ARFGAP3: variants seen among roughly 807,000 people sequenced by gnomAD.
ARFGAP3 encodes ARF GTPase activating protein 3.
Under a neutral mutation model 75.0 loss-of-function variants are expected in ARFGAP3, and 72 were observed. The ratio of observed to expected loss-of-function variants is 0.96; its 90% CI spans 0.79 to 1.17. ARFGAP3 has a LOEUF of 1.17. Ranked by LOEUF, ARFGAP3 falls within the 50% of genes most tolerant of loss-of-function variation. ARFGAP3 has a pLI of 0.00. For synonymous variants in ARFGAP3, 221 were observed against 217.9 expected (o/e 1.01, Z -0.13); for missense variants, 620 against 626.6 (o/e 0.99, Z 0.11).
chr22:42,804,385 T>A (rs1336420807), intron 14 of ARFGAP3, among the ~76,000 whole-genome samples: 2 of 140,306 alleles, frequency 1.4e-5, no homozygotes, highest in South Asian at 4.8e-4. Context: ...AATTTTTTTT[T>A]TTTTTTTTTT....
chr22:42,807,756 C>T (rs950412626), intron 13 of ARFGAP3, among the ~76,000 whole-genome samples: 1 of 151,966 alleles, frequency 6.6e-6, no homozygotes, highest in African/African-American at 2.4e-5. Flanking sequence ...TTGAGTCTTA[C>T]AGCTTAGCAA....
rs551782829 is a variant in ARFGAP3, at chr22:42,833,343, T to C, written c.477+899A>G. 8.5e-5 allele frequency among the ~76,000 whole-genome samples: 13 copies of C among 152,338 alleles called. No individual in the cohort carries two copies. The East Asian group carries it at 2.5e-3, about 29-fold the overall frequency. ...AGCTCTGAACTGAACTGTGGCACAC[T>C]ACTAGTAATAAATTCTCAGTTCTCC... On this transcript the variant is annotated intron_variant, in intron 5 of 15. Coordinates refer to ENST00000263245, the MANE Select transcript of ARFGAP3 (RefSeq NM_014570.5).
At chr22:42,846,467 G>C (rs1171136683) in intron 2 of ARFGAP3, among the ~76,000 whole-genome samples, 1 of 152,220 alleles carries the variant, frequency 6.6e-6, no homozygotes, top group African/African-American at 2.4e-5. Flanking sequence ...TCCAAAGGTG[G>C]TGTCTTCTTC....
At chr22:42,853,063 CTATT>C (rs1249731806) in intron 1 of ARFGAP3, among the ~76,000 whole-genome samples, 1 of 152,212 alleles carries the variant, frequency 6.6e-6, no homozygotes, top group Non-Finnish European at 1.5e-5. Context: ...CGCGCCCGGC[CTATT>C]TATTTGTTTT....
chr22:42,808,587 G>A (rs573222162), intron 13 of ARFGAP3, among the ~76,000 whole-genome samples, 180 bp downstream of exon 13: 5 of 152,226 alleles, frequency 3.3e-5, no homozygotes, highest in Admixed American at 6.5e-5. Context: ...TCTTGCTGAG[G>A]TAGCAAGCAC....
intron 9 of ARFGAP3, among the ~76,000 whole-genome samples, chr22:42,821,158 C>T (rs1925795942): frequency 6.6e-6 from 1 of 152,216 alleles, no homozygotes; most frequent in Non-Finnish European, 1.5e-5. Context: ...GAGCCATAGT[C>T]TTCCATCATG....
At chr22:42,831,303 AG>A (rs1202609514) in intron 6 of ARFGAP3, among the ~76,000 whole-genome samples, 2 of 150,576 alleles carry the variant, frequency 1.3e-5, no homozygotes, top group South Asian at 2.1e-4. Context: ...AAAAAAAAAA[AG>A]ACAGAAGGGT....
intron 3 of ARFGAP3, among the ~76,000 whole-genome samples, chr22:42,837,675 C>A (rs201106026): frequency 1.3e-5 from 1 of 75,662 alleles, no homozygotes; most frequent in Non-Finnish European, 2.1e-5. Flanking sequence ...AGGCATACTT[C>A]TTTTTTTTTT....
Position 42,856,996 on chromosome 22 carries a change from G to T in ARFGAP3, c.69+118C>A, listed in dbSNP as rs545894448. On this transcript the variant is annotated intron_variant, in intron 1 of 15. Transcript: ENST00000263245. ...CCAGGCTGCCGCGGCCCCACAGTGC[G>T]ACGTGTCACAGGCCGCGCCGGCCCC... The T allele has an allele frequency of 1.1e-4, 118 of 1,077,982 alleles. No individual in the cohort carries two copies. The African/African-American group carries it at 1.6e-3, about 15-fold the overall frequency. The allele number at this position is 1,077,982 out of a possible 1,614,324, so 66.8% of individuals were successfully genotyped here. A position where few individuals can be genotyped will look rare whatever the true frequency, so the allele number is the denominator to read the frequency against.
intron 9 of ARFGAP3, 104 bp downstream of exon 9, chr22:42,822,166 T>G: frequency 1.2e-4 from 88 of 761,174 alleles, no homozygotes; most frequent in East Asian, 1.4e-4. Context: ...TGCAGTACCC[T>G]CCCTTCCCCC....
rs11551619 is a variant in ARFGAP3, at chr22:42,799,103, T to C, written c.1469A>G (p.Gln490Arg). 0.015 allele frequency: 24,376 copies of C among 1,614,192 alleles called. 217 individuals are homozygous for C. The highest frequency in any genetic ancestry group is 0.018 in the Non-Finnish European group (20,668 of 1,180,036). ...PNAPDMAQFK[Q>R]GVRSVAGKLS... The stretch of plus-strand genomic sequence containing the variant: ...TTTTCCAGCAACCGATCTCACTCCC[T>C]GCTTGAACTGCGCCATGTCGGGGGC... The change falls in exon 15 of 16, where the codon CAG becomes CGG. Residue 490 changes from glutamine (Q) to arginine (R), a missense_variant. Gln to Arg is a conservative substitution (Grantham distance 43). Coordinates refer to ENST00000263245, the MANE Select transcript of ARFGAP3 (RefSeq NM_014570.5).
intron 6 of ARFGAP3, 100 bp downstream of exon 6, chr22:42,831,449 G>T: frequency 8.0e-7 from 1 of 1,244,012 alleles, no homozygotes; most frequent in Non-Finnish European, 1.1e-6. Flanking sequence ...TGGGATTACA[G>T]GCATGAGCCA....
At chr22:42,802,239 G>C (rs1383276504) in intron 14 of ARFGAP3, among the ~76,000 whole-genome samples, 1 of 151,980 alleles carries the variant, frequency 6.6e-6, no homozygotes. Flanking sequence ...ATGGTGTGAC[G>C]TGGGAGGTGG....
chr22:42,800,465 A>T (rs1298840581), intron 14 of ARFGAP3, among the ~76,000 whole-genome samples: 6 of 152,184 alleles, frequency 3.9e-5, no homozygotes, highest in Non-Finnish European at 1.5e-5. Context: ...TGGGAGGTGG[A>T]GGTTGCAGTG....
intron 1 of ARFGAP3, among the ~76,000 whole-genome samples, chr22:42,850,138 G>C (rs539508406): frequency 6.6e-6 from 1 of 152,112 alleles, no homozygotes; most frequent in Non-Finnish European, 1.5e-5. Context: ...GCAGAGTCAC[G>C]CGTCGGAAGT....
chr22:42,804,755 AT>A (rs1157846912), intron 14 of ARFGAP3, among the ~76,000 whole-genome samples: 3 of 152,172 alleles, frequency 2.0e-5, no homozygotes, highest in Non-Finnish European at 4.4e-5. Flanking sequence ...ACCTCAGGTG[AT>A]CCGCCTACCT....
At chr22:42,852,913 C>T (rs1411670088) in intron 1 of ARFGAP3, among the ~76,000 whole-genome samples, 4 of 151,944 alleles carry the variant, frequency 2.6e-5, no homozygotes, top group African/African-American at 4.8e-5. Flanking sequence ...TACAGGCACT[C>T]GCCATCATGC....
chr22:42,834,330 A>G lies in ARFGAP3; in HGVS notation c.394-5T>C. 1 of 1,613,328 alleles carries G rather than the reference A, an allele frequency of 6.2e-7. No homozygotes were observed. Among genetic ancestry groups the G allele is most frequent in the Non-Finnish European group, 8.5e-7 (1 of 1,179,822 alleles). Reference sequence around the variant, plus strand: ...CACACAACTATCAAGCCACAGCTAGAACAAAAAAACAACACAGGGCTGAGC... The same window carrying G: ...CACACAACTATCAAGCCACAGCTAGGACAAAAAAACAACACAGGGCTGAGC... On this transcript the variant is annotated splice_polypyrimidine_tract_variant and splice_region_variant and intron_variant, in intron 4 of 15. Transcript: ENST00000263245.
intron 15 of ARFGAP3, 157 bp from the exon 16 acceptor site, chr22:42,797,762 C>T: frequency 1.0e-6 from 1 of 985,190 alleles, no homozygotes; most frequent in Non-Finnish European, 1.2e-6. Context: ...CTGGAAGCAG[C>T]CATTGCTGCA....
Sources: allele counts gnomAD v4.1 joint callset (sites outside exome capture counted in the v4.1 genomes callset), GRCh38; gene constraint gnomAD v4.1.1; transcripts MANE v1.5; gene names NCBI Gene and HGNC (gene_info 2026-07-23, HGNC 2026-07-21).